The following IMPA2 variants were observed in gnomAD, a reference collection of about 807,000 sequenced individuals.
The protein encoded by IMPA2 is inositol monophosphatase 2, also known as IMP 2.
Under a neutral mutation model 35.1 loss-of-function variants are expected in IMPA2, and 32 were observed. That is an observed-to-expected ratio of 0.91 (90% CI 0.69 to 1.23). The LOEUF (loss-of-function observed/expected upper bound fraction) is 1.23, where lower values mean the gene tolerates loss of function less well. Among genes scored for constraint, IMPA2 ranks in the 50% most tolerant of loss-of-function variants. The probability of loss-of-function intolerance (pLI) is 0.00; values close to 1 mark genes in which losing one functional copy is unlikely to be tolerated. For synonymous variants in IMPA2, 135 were observed against 160.6 expected, an observed-to-expected ratio of 0.84 and a Z score of 1.20; for missense variants, 334 against 387.6, an observed-to-expected ratio of 0.86 and a Z score of 1.16.
intron 4 of IMPA2, 200 bp downstream of exon 4, chr18:12,012,415 C>T (rs964125979): frequency 5.0e-5 from 29 of 584,426 alleles, no homozygotes; most frequent in Admixed American, 1.8e-4. Flanking sequence ...GGTGGGGCTC[C>T]GTGGCTGGCC....
intron 5 of IMPA2, chr18:12,021,570 G>T (rs1176326346): frequency 6.6e-6 from 1 of 152,040 alleles, no homozygotes; most frequent in Admixed American, 6.6e-5. Flanking sequence ...CCAGCCTGGA[G>T]TGCAGTGGCT....
chr18:12,020,165 AC>A, intron 5 of IMPA2, among the ~76,000 whole-genome samples: 1 of 147,362 alleles, frequency 6.8e-6, no homozygotes, highest in African/African-American at 2.7e-5. Flanking sequence ...GAGCCACCAC[AC>A]TCGGCCTTTA....
rs376773939 is a variant in IMPA2 at position 12,000,861 on chromosome 18, C to T, written c.230+1674C>T. On this transcript the variant is annotated intron_variant, in intron 2 of 7. Coordinates refer to ENST00000269159, the MANE Select transcript of IMPA2 (RefSeq NM_014214.3). ...CGATCTCCTGACCTCATGATCCGCC[C>T]GCCTCGGCCTCCCAAAGTGCTGGGA... Among the ~76,000 whole-genome samples the T allele has an allele frequency of 3.2e-4, 48 of 151,308 alleles. No individual in the cohort carries two copies. In the South Asian group the frequency reaches 6.3e-3, roughly 20 times the overall value.
chr18:12,017,469 C>T (rs543498323), intron 5 of IMPA2: 69 of 232,048 alleles, frequency 3.0e-4, no homozygotes, highest in South Asian at 2.7e-3. Flanking sequence ...CCAATTGTCT[C>T]GTTTTTATGG....
chr18:12,007,325 C>T (rs952398067), intron 2 of IMPA2, among the ~76,000 whole-genome samples: 1 of 152,188 alleles, frequency 6.6e-6, no homozygotes, highest in Non-Finnish European at 1.5e-5. Flanking sequence ...GAACTGAAGT[C>T]TTTATTTAAT....
At chr18:11,983,997 T>C (rs992857527) in intron 1 of IMPA2, among the ~76,000 whole-genome samples, 1 of 152,160 alleles carries the variant, frequency 6.6e-6, no homozygotes, top group African/African-American at 2.4e-5. Context: ...CACCCTTCAC[T>C]AGCACCCAGC....
At chr18:11,990,699 C>T (rs528713873) in intron 1 of IMPA2, among the ~76,000 whole-genome samples, 2 of 150,848 alleles carry the variant, frequency 1.3e-5, no homozygotes, top group African/African-American at 2.5e-5. Context: ...CTGGCTGGCT[C>T]TCATTGCTTT....
At position 12,010,101 on chromosome 18, in the gene IMPA2, G is replaced by A. The variant is rs113551977; in HGVS notation, c.335+114G>A. 707 of 698,968 alleles carry A rather than the reference G, an allele frequency of 1.0e-3. 1 individual carries two copies. In the African/African-American group the frequency reaches 0.011, roughly 11 times the overall value. 43.3% of individuals were successfully genotyped at this position (698,968 alleles called of 1,614,324 possible). Reference sequence around the variant, plus strand: ...GCAGGAATATATAAACAAACCTATAGTACACTCATAGTCTCATCAGAAAGA... The same window carrying A: ...GCAGGAATATATAAACAAACCTATAATACACTCATAGTCTCATCAGAAAGA... On this transcript the variant is annotated intron_variant, in intron 3 of 7. Transcript: ENST00000269159. This position sits in a 1 kb window ranked among gnomAD's most constrained non-coding sequence, Gnocchi z 4.8.
At chr18:12,009,791 C>A in intron 2 of IMPA2, 92 bp from the exon 3 acceptor site, 1 of 888,300 alleles carries the variant, frequency 1.1e-6, no homozygotes, top group Non-Finnish European at 1.9e-6. Flanking sequence ...GTTTGCTGTG[C>A]CACCTTTTTC....
chr18:11,997,396 T>C (rs1000222223), intron 1 of IMPA2, among the ~76,000 whole-genome samples: 3 of 152,248 alleles, frequency 2.0e-5, no homozygotes, highest in South Asian at 2.1e-4. Flanking sequence ...CCTGGAGTTA[T>C]GGCTACCCAG....
At chr18:11,987,477 T>G (rs897994999) in intron 1 of IMPA2, among the ~76,000 whole-genome samples, 7 of 152,274 alleles carry the variant, frequency 4.6e-5, no homozygotes, top group Non-Finnish European at 8.8e-5. Flanking sequence ...TCTACAGGCA[T>G]GCGCCACCAT....
chr18:12,022,531 ATATAT>A (rs1568038081), intron 5 of IMPA2, among the ~76,000 whole-genome samples: 16 of 44,760 alleles, frequency 3.6e-4, no homozygotes, highest in Admixed American at 5.5e-4. Flanking sequence ...CAAAAAGAAT[ATATAT>A]ATATATATAT....
intron 2 of IMPA2, among the ~76,000 whole-genome samples, chr18:12,001,220 C>G (rs1907107775): frequency 1.3e-5 from 2 of 152,006 alleles, no homozygotes; most frequent in South Asian, 4.2e-4. Flanking sequence ...CAGAGCAAGA[C>G]TCTGTCTCGA....
At chr18:12,020,172 C>CTTTATTTATTTATTTATTTATTTA (rs538492835) in intron 5 of IMPA2, among the ~76,000 whole-genome samples, 3 of 150,070 alleles carry the variant, frequency 2.0e-5, no homozygotes, top group African/African-American at 7.5e-5. Flanking sequence ...CACACTCGGC[C>CTTTATTTATTTATTTATTTATTTA]TTTATTTATT....
chr18:12,001,765 G>A (rs1387512490), intron 2 of IMPA2, among the ~76,000 whole-genome samples: 2 of 152,170 alleles, frequency 1.3e-5, no homozygotes, highest in Non-Finnish European at 2.9e-5. Flanking sequence ...GCTTACCTGG[G>A]AGCGTGCCCG....
chr18:12,019,217 G>A (rs774979874), intron 5 of IMPA2, among the ~76,000 whole-genome samples: 6 of 151,946 alleles, frequency 3.9e-5, no homozygotes, highest in Non-Finnish European at 7.4e-5. Context: ...ATAACTGAGG[G>A]CATTTTTGTT....
At chr18:12,028,810 G>C in intron 6 of IMPA2, 32 bp from the exon 7 acceptor site, 2 of 1,607,354 alleles carry the variant, frequency 1.2e-6, no homozygotes, top group South Asian at 2.2e-5. Context: ...CTCCACTCCC[G>C]CCTGCATCTG....
In IMPA2 at chr18:12,028,444, G is replaced by T. The variant is rs538338796; in HGVS notation, c.599+293G>T. On this transcript the variant is annotated intron_variant, in intron 6 of 7. Transcript: ENST00000269159. ...GCAAATACTTACAGTCCTTCCCGAG[G>T]GGGCCTGGCGTCAGACAGGTTTATC... 82 of 456,486 alleles carry T rather than the reference G, an allele frequency of 1.8e-4. No homozygotes were observed. The East Asian group carries it at 2.8e-3, about 16-fold the overall frequency. The allele number at this position is 456,486 out of a possible 1,614,324, so 28.3% of individuals were successfully genotyped here. A position where few individuals can be genotyped will look rare whatever the true frequency, so the allele number is the denominator to read the frequency against.
chr18:12,005,191 C>T (rs564604360), intron 2 of IMPA2, among the ~76,000 whole-genome samples: 3 of 152,292 alleles, frequency 2.0e-5, no homozygotes, highest in East Asian at 3.9e-4. Context: ...ACCTTGTAGG[C>T]GGGCAGGCAG....
Sources: gnomAD v4.1 joint callset for allele counts (sites outside exome capture counted in the v4.1 genomes callset) on GRCh38, gnomAD v4.1.1 for gene constraint, Gnocchi (gnomAD v3.1) non-coding constraint, MANE v1.5 for transcripts, NCBI Gene and HGNC (gene_info 2026-07-23, HGNC 2026-07-21) for gene names.